Variants in WDPCP observed in about 807,000 individuals in gnomAD.
WDPCP encodes the protein WD repeat-containing and planar cell polarity effector protein fritz homolog.
Under a neutral mutation model 93.1 loss-of-function variants are expected in WDPCP, and 71 were observed. The ratio of observed to expected loss-of-function variants is 0.76; its 90% CI spans 0.63 to 0.93. The LOEUF is 0.93. WDPCP is among the 40% of genes least tolerant of loss of function. The pLI is 0.00. For missense variants in WDPCP, 844 were observed against 887.4 expected, an observed-to-expected ratio of 0.95 and a Z score of 0.62; for synonymous variants, 315 against 315.0, an observed-to-expected ratio of 1.00 and a Z score of 0.00.
At chr2:63,655,681 T>C (rs1382874238) in intron 2 of WDPCP, among the ~76,000 whole-genome samples, 3 of 152,228 alleles carry the variant, frequency 2.0e-5, no homozygotes, top group Non-Finnish European at 4.4e-5. Context: ...AGGTTCTTGA[T>C]GCACATAGAA....
At chr2:63,455,413 G>GAT (rs59481179) in intron 6 of WDPCP, among the ~76,000 whole-genome samples, 2,784 of 140,874 alleles carry the variant, frequency 0.02, 37 homozygotes, top group East Asian at 0.1. Flanking sequence ...TACTTGTAAA[G>GAT]ATATATATAT....
At chr2:63,453,449 T>G (rs1432670647) in intron 6 of WDPCP, among the ~76,000 whole-genome samples, 1 of 152,086 alleles carries the variant, frequency 6.6e-6, no homozygotes, top group Non-Finnish European at 1.5e-5. Context: ...AAACAACAGG[T>G]GCTGGAGAGG....
intron 1 of WDPCP, among the ~76,000 whole-genome samples, chr2:63,561,435 G>A (rs1221390119): frequency 6.6e-6 from 1 of 151,694 alleles, no homozygotes; most frequent in Non-Finnish European, 1.5e-5. Context: ...CCAAGATCAT[G>A]CCACTGCACT....
chr2:63,748,533 C>T (rs986670370), intron 2 of WDPCP, among the ~76,000 whole-genome samples: 3 of 151,980 alleles, frequency 2.0e-5, no homozygotes, highest in Non-Finnish European at 4.4e-5. Context: ...AACAACATTA[C>T]TAATTTTTTA....
chr2:63,673,472 T>C lies in WDPCP; in HGVS notation n.309-22634A>G, dbSNP rs1446044031. 2.0e-5 allele frequency among the ~76,000 whole-genome samples: 3 copies of C among 152,184 alleles called. No individual in the cohort carries two copies. The East Asian group carries it at 5.8e-4, about 29-fold the overall frequency. Reference sequence around the variant, plus strand: ...TTTTGGCCAGGCTGATGGGAGTCCCTGAGCCAGAGTTGCCCATTAAAGGAA... The same window carrying C: ...TTTTGGCCAGGCTGATGGGAGTCCCCGAGCCAGAGTTGCCCATTAAAGGAA... On this transcript the variant is annotated intron_variant and non_coding_transcript_variant, in intron 2 of 4. Coordinates refer to the WDPCP transcript ENST00000467687.
intron 3 of WDPCP, chr2:63,595,096 C>A: frequency 2.7e-6 from 1 of 372,666 alleles, no homozygotes; most frequent in South Asian, 2.3e-5. Flanking sequence ...ACTTAGCTTT[C>A]CATGAACTGA....
At chr2:63,833,501 C>G in the WDPCP span, among the ~76,000 whole-genome samples, 5 of 152,168 alleles carry the variant, frequency 3.3e-5, no homozygotes, top group African/African-American at 1.2e-4. Flanking sequence ...CAGAAAAACA[C>G]CAATAAATTA....
intron 12 of WDPCP, among the ~76,000 whole-genome samples, chr2:63,316,049 C>G (rs931088448): frequency 6.6e-6 from 1 of 152,060 alleles, no homozygotes; most frequent in Non-Finnish European, 1.5e-5. Flanking sequence ...AGGTGTGAGC[C>G]ACTGTGCTCA....
chr2:63,344,470 T>A (rs1689054834), intron 12 of WDPCP, among the ~76,000 whole-genome samples: 1 of 152,186 alleles, frequency 6.6e-6, no homozygotes, highest in South Asian at 2.1e-4. Flanking sequence ...AAACCCAGGG[T>A]GCATCTCATT....
chr2:63,384,474 T>A (rs1692567859), intron 10 of WDPCP, among the ~76,000 whole-genome samples: 1 of 152,086 alleles, frequency 6.6e-6, no homozygotes, highest in Admixed American at 6.6e-5. Flanking sequence ...TTTGAAGTCA[T>A]TGTTAAAAAA....
intron 2 of WDPCP, among the ~76,000 whole-genome samples, chr2:63,779,351 T>C (rs942643986): frequency 2.0e-5 from 3 of 152,188 alleles, no homozygotes; most frequent in African/African-American, 7.2e-5. Flanking sequence ...ACATAAGACA[T>C]ACTTTCAGCA....
intron 13 of WDPCP, among the ~76,000 whole-genome samples, chr2:63,264,296 T>A (rs1032715821): frequency 1.3e-5 from 2 of 152,198 alleles, no homozygotes; most frequent in Non-Finnish European, 2.9e-5. Context: ...TCCATTCAAA[T>A]AGAAACGGAA....
At chr2:63,424,866 G>C (rs1016736076) in intron 9 of WDPCP, among the ~76,000 whole-genome samples, 60 of 152,262 alleles carry the variant, frequency 3.9e-4, no homozygotes, top group African/African-American at 1.3e-3. Context: ...GGCGCGGTGC[G>C]AGTGATCGGA....
chr2:63,560,160 T>TTCCACC (rs1387849743), intron 1 of WDPCP, among the ~76,000 whole-genome samples: 3 of 152,086 alleles, frequency 2.0e-5, no homozygotes, highest in African/African-American at 7.2e-5. Context: ...GAGGTGGAAC[T>TTCCACC]TGCAGTGAGC....
rs1166264234 is a variant in WDPCP at position 63,152,886 on chromosome 2, C to G, written c.2190+28G>C. The G allele has an allele frequency of 2.5e-6, 4 of 1,599,690 alleles. No homozygotes were observed. The South Asian group carries it at 4.4e-5, about 18-fold the overall frequency. ...TGCTTTTCTCTTAGAATTTAAATGT[C>G]TAGTAATAAACAGAGAAAGTGTTTT... On this transcript the variant is annotated intron_variant, in intron 17 of 17. Transcript: ENST00000272321.
chr2:63,197,054 T>C (rs1343849459), intron 14 of WDPCP, among the ~76,000 whole-genome samples: 1 of 152,194 alleles, frequency 6.6e-6, no homozygotes, highest in African/African-American at 2.4e-5. Context: ...TGTATTTCCA[T>C]AAAGTTACAC....
intron 6 of WDPCP, among the ~76,000 whole-genome samples, chr2:63,462,969 A>G (rs1699117853): frequency 6.6e-6 from 1 of 152,116 alleles, no homozygotes; most frequent in Non-Finnish European, 1.5e-5. Flanking sequence ...ACCTTGGAGC[A>G]CAGGGGAGAG....
At chr2:63,571,243 T>C in intron 1 of WDPCP, 1 of 382,972 alleles carries the variant, frequency 2.6e-6, no homozygotes, top group South Asian at 2.0e-5. Flanking sequence ...CATGTGTCAC[T>C]TTCCTCATGT....
At chr2:63,519,688 C>G (rs1702795609) in intron 1 of WDPCP, among the ~76,000 whole-genome samples, 1 of 151,662 alleles carries the variant, frequency 6.6e-6, no homozygotes, top group South Asian at 2.1e-4. Context: ...CCTTACACCA[C>G]AAGACAAACC....
Sources: gnomAD v4.1 joint callset for allele counts (sites outside exome capture counted in the v4.1 genomes callset) on GRCh38, gnomAD v4.1.1 for gene constraint, MANE v1.5 for transcripts, NCBI Gene and HGNC (gene_info 2026-07-23, HGNC 2026-07-21) for gene names.